SLC24A2: variants seen among roughly 807,000 people sequenced by gnomAD.
SLC24A2 encodes solute carrier family 24 member 2.
In SLC24A2, 36 loss-of-function variants were observed where a neutral mutation model predicts 62.0. The ratio of observed to expected loss-of-function variants is 0.58; its 90% CI spans 0.44 to 0.77. The LOEUF is 0.77. Among genes scored for constraint, SLC24A2 ranks in the 30% least tolerant of loss-of-function variants. SLC24A2 has a pLI of 0.00. For synonymous variants in SLC24A2, 358 were observed against 294.0 expected, an observed-to-expected ratio of 1.22 and a Z score of -2.23; for missense variants, 846 against 817.9, an observed-to-expected ratio of 1.03 and a Z score of -0.42.
chr9:19,524,862 A>C (rs1436059362), intron 9 of SLC24A2, among the ~76,000 whole-genome samples: 1 of 152,234 alleles, frequency 6.6e-6, no homozygotes, highest in African/African-American at 2.4e-5. Context: ...GGAACCCTGC[A>C]TGATGTTTTA....
At chr9:19,557,293 G>A (rs534953165) in intron 7 of SLC24A2, among the ~76,000 whole-genome samples, 11 of 152,316 alleles carry the variant, frequency 7.2e-5, no homozygotes, top group African/African-American at 2.4e-4. Context: ...ATGAAGTGTA[G>A]GAGTTCAGTC....
chr9:19,951,246 G>C, the SLC24A2 span, among the ~76,000 whole-genome samples: 1 of 151,834 alleles, frequency 6.6e-6, no homozygotes, highest in Non-Finnish European at 1.5e-5. Context: ...GTGTGTGTGT[G>C]TGTGTGTGTG....
chr9:19,753,986 T>G (rs1360668443), intron 2 of SLC24A2, among the ~76,000 whole-genome samples: 1 of 152,150 alleles, frequency 6.6e-6, no homozygotes, highest in Non-Finnish European at 1.5e-5. Flanking sequence ...AGCAAAGGTA[T>G]GAAAATGACT....
At chr9:19,656,990 G>C (rs567381147) in intron 2 of SLC24A2, among the ~76,000 whole-genome samples, 1 of 152,172 alleles carries the variant, frequency 6.6e-6, no homozygotes, top group Admixed American at 6.5e-5. Context: ...TCTGTCTGAC[G>C]ACAGTTTGTT....
the SLC24A2 span, among the ~76,000 whole-genome samples, chr9:19,908,925 G>C: frequency 1.3e-5 from 2 of 152,020 alleles, no homozygotes; most frequent in African/African-American, 4.8e-5. Context: ...TCAGTGTGGC[G>C]ATTCCTCAGG....
At chr9:20,077,579 C>G in the SLC24A2 span, among the ~76,000 whole-genome samples, 41 of 149,116 alleles carry the variant, frequency 2.7e-4, no homozygotes, top group Admixed American at 2.4e-3. Context: ...CTACTGGCTG[C>G]CCCCAGCTTT....
intron 2 of SLC24A2, among the ~76,000 whole-genome samples, chr9:19,695,520 C>G (rs1040646911): frequency 2.0e-5 from 3 of 152,000 alleles, no homozygotes; most frequent in African/African-American, 7.2e-5. Flanking sequence ...ATTGATACAA[C>G]CCAATCTGAA....
the SLC24A2 span, among the ~76,000 whole-genome samples, chr9:20,232,567 G>T: frequency 6.6e-6 from 1 of 152,220 alleles, no homozygotes; most frequent in South Asian, 2.1e-4. Context: ...TATTTCTGTG[G>T]GATCGGTAGT....
At chr9:19,867,008 G>A in the SLC24A2 span, among the ~76,000 whole-genome samples, 1 of 151,806 alleles carries the variant, frequency 6.6e-6, no homozygotes, top group Non-Finnish European at 1.5e-5. Flanking sequence ...AACACAACAG[G>A]GTGACCATGG....
At chr9:20,001,373 G>A in the SLC24A2 span, among the ~76,000 whole-genome samples, 11 of 152,302 alleles carry the variant, frequency 7.2e-5, no homozygotes, top group Admixed American at 4.6e-4. Context: ...ACTGTCCTGC[G>A]GAAGAAATCT....
chr9:20,253,055 C>G, the SLC24A2 span, among the ~76,000 whole-genome samples: 1 of 152,214 alleles, frequency 6.6e-6, no homozygotes, highest in Non-Finnish European at 1.5e-5. Context: ...AAGGCACCCA[C>G]TTTTGTTGCC....
chr9:19,551,430 G>T lies in SLC24A2; in HGVS notation c.1348-1162C>A, dbSNP rs576140756. Among the ~76,000 whole-genome samples, 4 of 152,242 alleles carry T rather than the reference G, an allele frequency of 2.6e-5. No individual in the cohort carries two copies. The East Asian group carries it at 7.7e-4, about 29-fold the overall frequency. ...GGGGAGGGTCTGGGCCCAGCAGGGG[G>T]TGACCGTTAGCCTGTCAGCTGAGCC... On this transcript the variant is annotated intron_variant, in intron 7 of 10. Coordinates refer to ENST00000341998, the MANE Select transcript of SLC24A2 (RefSeq NM_020344.4).
rs778449733 is a variant in SLC24A2 at position 19,516,191 on chromosome 9, G to A, written c.1948C>T (p.Leu650=). 5.6e-6 allele frequency: 9 copies of A among 1,614,050 alleles called. No individual in the cohort carries two copies. The highest frequency in any genetic ancestry group is 1.6e-4 in the Middle Eastern group (1 of 6,084). The stretch of plus-strand genomic sequence containing the variant: ...GGGCATGTAAGAATTCTGTCTTCTA[G>A]GAGAACGCTCACCACCAGGAACACA... ...YFVFLVVSVL[L]EDRILTCPVS... The change falls in exon 11 of 11, where the codon CTA becomes TTA. Residue 650 remains leucine (L), a synonymous_variant. Transcript: ENST00000341998.
At chr9:19,774,529 G>T (rs1822787182) in intron 2 of SLC24A2, among the ~76,000 whole-genome samples, 1 of 152,184 alleles carries the variant, frequency 6.6e-6, no homozygotes, top group Non-Finnish European at 1.5e-5. Flanking sequence ...ATATTTGGTT[G>T]CTATCAGGTG....
chr9:19,773,856 G>A (rs2118902459), intron 2 of SLC24A2, among the ~76,000 whole-genome samples: 1 of 152,332 alleles, frequency 6.6e-6, no homozygotes, highest in Admixed American at 6.5e-5. Flanking sequence ...CAAGAAGAGG[G>A]CTCAAGAGAA....
At chr9:19,886,106 A>C in the SLC24A2 span, among the ~76,000 whole-genome samples, 4 of 152,154 alleles carry the variant, frequency 2.6e-5, no homozygotes, top group African/African-American at 9.7e-5. Context: ...TCCTTTTGGT[A>C]TAGACCTAAT....
Position 19,632,271 on chromosome 9 carries a change from A to C in SLC24A2, c.931-9972T>G, listed in dbSNP as rs770333974. ...GCAAATTGTCATTTTATCTATGCCTACCTGGGATGTTACCATGTTATTCCC... is the reference window on the plus strand; with the variant it reads ...GCAAATTGTCATTTTATCTATGCCTCCCTGGGATGTTACCATGTTATTCCC... On this transcript the variant is annotated intron_variant, in intron 2 of 10. Coordinates refer to ENST00000341998, the MANE Select transcript of SLC24A2 (RefSeq NM_020344.4). This position sits in a 1 kb window ranked among gnomAD's most constrained non-coding sequence, Gnocchi z 4.5. Among the ~76,000 whole-genome samples, 2 of 152,172 alleles carry C rather than the reference A, an allele frequency of 1.3e-5. No homozygotes were observed. Among genetic ancestry groups the C allele is most frequent in the Non-Finnish European group, 2.9e-5 (2 of 68,014 alleles).
chr9:19,929,954 T>C, the SLC24A2 span: 1 of 152,156 alleles, frequency 6.6e-6, no homozygotes. Context: ...AATAACGATA[T>C]AAAAATATTT....
chr9:19,744,211 C>A (rs1374013078), intron 2 of SLC24A2, among the ~76,000 whole-genome samples: 1 of 152,144 alleles, frequency 6.6e-6, no homozygotes, highest in African/African-American at 2.4e-5. Context: ...GGATAAAGAT[C>A]ATCATCTTTA....
Sources: gnomAD v4.1 joint callset for allele counts (sites outside exome capture counted in the v4.1 genomes callset) on GRCh38, gnomAD v4.1.1 for gene constraint, Gnocchi (gnomAD v3.1) non-coding constraint, MANE v1.5 for transcripts, NCBI Gene and HGNC (gene_info 2026-07-23, HGNC 2026-07-21) for gene names.